The following JMJD1C variants were observed in gnomAD, a reference collection of about 807,000 sequenced individuals.
JMJD1C encodes the protein jumonji domain-containing protein 1C.
A neutral mutation model predicts 245.3 loss-of-function variants in JMJD1C; 31 were observed. The observed-to-expected ratio is 0.13, with a 90% CI of 0.09 to 0.17. The LOEUF (loss-of-function observed/expected upper bound fraction) is 0.17. Among genes scored for constraint, JMJD1C ranks in the 10% least tolerant of loss-of-function variants. JMJD1C has a pLI of 1.00. For synonymous variants in JMJD1C, 1,057 were observed against 1,017.4 expected (o/e 1.04, Z -0.74); for missense variants, 2,691 against 3,000.2 (o/e 0.90, Z 2.41).
At chr10:63,484,646 TAAAA>T (rs1163999757) in intron 1 of JMJD1C, among the ~76,000 whole-genome samples, 1 of 149,780 alleles carries the variant, frequency 6.7e-6, no homozygotes, top group African/African-American at 2.5e-5. Context: ...TCTCTTAACT[TAAAA>T]AAAAAGGCAA....
intron 1 of JMJD1C, among the ~76,000 whole-genome samples, chr10:63,442,040 A>G (rs1029481528): frequency 6.6e-6 from 1 of 152,246 alleles, no homozygotes; most frequent in African/African-American, 2.4e-5. Context: ...TTAAATGTAC[A>G]TACTGATGAC....
At chr10:63,439,217 T>TA (rs1191192490) in intron 1 of JMJD1C, among the ~76,000 whole-genome samples, 1 of 152,198 alleles carries the variant, frequency 6.6e-6, no homozygotes, top group Non-Finnish European at 1.5e-5. Flanking sequence ...CTCAAAATTC[T>TA]ATCATTTTAT....
In JMJD1C at chr10:63,473,724, G is replaced by C. The variant is rs1589810299; in HGVS notation, n.113+48014C>G. On this transcript the variant is annotated intron_variant and non_coding_transcript_variant, in intron 1 of 3. Transcript: ENST00000633035. ...TCTGGTAAATTATGACTAAATTTTT[G>C]TTAAATTGCATAAAGTAAACTGAAA... Among the ~76,000 whole-genome samples the C allele has an allele frequency of 2.0e-5, 3 of 151,954 alleles. No homozygotes were observed. In the Middle Eastern group the frequency reaches 0.01, roughly 517 times the overall value.
intron 3 of JMJD1C, among the ~76,000 whole-genome samples, chr10:63,252,985 GT>G (rs1370517432): frequency 6.6e-6 from 1 of 152,162 alleles, no homozygotes; most frequent in Non-Finnish European, 1.5e-5. Flanking sequence ...AAAAACATAT[GT>G]TTCCTACAAG....
At chr10:63,285,512 G>C (rs913495909) in intron 2 of JMJD1C, among the ~76,000 whole-genome samples, 7 of 152,172 alleles carry the variant, frequency 4.6e-5, no homozygotes, top group Non-Finnish European at 1.0e-4. Context: ...TTCCTAGCCA[G>C]TTTTGCCATA....
chr10:63,207,596 T>C lies in JMJD1C; in HGVS notation c.4073A>G (p.Asn1358Ser), dbSNP rs749231572. 6 of 1,614,186 alleles carry C rather than the reference T, an allele frequency of 3.7e-6. No individual in the cohort carries two copies. Among genetic ancestry groups the C allele is most frequent in the Non-Finnish European group, 8.5e-7 (1 of 1,180,030 alleles). ...AGETGRIILP[N>S]VNSDSVHTKS... ...TGTGTGAACACTGTCTGAATTCACA[T>C]TTGGCAAAATGATTCTTCCAGTTTC... Residue 1358 changes from asparagine (N) to serine (S), a missense_variant, in exon 10 of 26, where the codon AAT becomes AGT. Around this residue, in one of 9 missense-constraint regions of JMJD1C, gnomAD observed 1,562 missense variants for 1,490.7 expected, o/e 1.05. Transcript: ENST00000399262.
chr10:63,394,754 G>A (rs1315566111), intron 1 of JMJD1C, among the ~76,000 whole-genome samples: 2 of 151,452 alleles, frequency 1.3e-5, no homozygotes, highest in African/African-American at 4.8e-5. Flanking sequence ...TGAGGCAGGA[G>A]AATCGCTTGA....
intron 2 of JMJD1C, among the ~76,000 whole-genome samples, chr10:63,366,274 C>A (rs1411580539): frequency 6.6e-6 from 1 of 152,180 alleles, no homozygotes. Context: ...TGACAATATT[C>A]TGTGAGTACT....
chr10:63,180,959 G>A (rs944894915), intron 22 of JMJD1C, among the ~76,000 whole-genome samples: 3 of 152,058 alleles, frequency 2.0e-5, no homozygotes, highest in East Asian at 3.9e-4. Context: ...TAGTAGAGAC[G>A]GGGTTTCACC....
chr10:63,362,206 G>C (rs1945430099), intron 2 of JMJD1C, among the ~76,000 whole-genome samples: 1 of 146,960 alleles, frequency 6.8e-6, no homozygotes. Context: ...CTGCACTCCA[G>C]CACGCGCAAC....
At chr10:63,323,706 G>A (rs974237716) in intron 2 of JMJD1C, among the ~76,000 whole-genome samples, 14 of 152,124 alleles carry the variant, frequency 9.2e-5, no homozygotes, top group East Asian at 1.9e-4. Flanking sequence ...AATGGCCTGC[G>A]GGGGCCATCT....
At chr10:63,430,133 G>C (rs1348700400) in intron 1 of JMJD1C, among the ~76,000 whole-genome samples, 1 of 152,110 alleles carries the variant, frequency 6.6e-6, no homozygotes, top group East Asian at 1.9e-4. Flanking sequence ...GGGACAACTG[G>C]GTTTCCATAT....
chr10:63,498,547 T>C (rs1954433413), intron 1 of JMJD1C, among the ~76,000 whole-genome samples: 1 of 152,188 alleles, frequency 6.6e-6, no homozygotes, highest in Admixed American at 6.5e-5. Context: ...ATATCATTAC[T>C]ATATAGCAAG....
At chr10:63,197,390 T>G (rs1312670730) in intron 13 of JMJD1C, 21 bp downstream of exon 13, 1 of 1,585,122 alleles carries the variant, frequency 6.3e-7, no homozygotes, top group Admixed American at 1.9e-5. Flanking sequence ...AACTTCAATT[T>G]ATATAAACTT....
At position 63,215,427 on chromosome 10, in the gene JMJD1C, C is replaced by G. The variant is rs1439663926; in HGVS notation, c.851G>C (p.Ser284Thr). 6.2e-7 allele frequency: 1 copy of G among 1,613,866 alleles called. No individual in the cohort carries two copies. Among genetic ancestry groups the G allele is most frequent in the African/African-American group, 1.3e-5 (1 of 74,864 alleles). The change falls in exon 7 of 26, where the codon AGT becomes ACT. Residue 284 changes from serine (S) to threonine (T), a missense_variant. Physicochemically the swap from Ser to Thr is moderately conservative, Grantham distance 58. Coordinates refer to ENST00000399262, the MANE Select transcript of JMJD1C (RefSeq NM_032776.3). The stretch of plus-strand genomic sequence containing the variant: ...TTGGGAGTTCATTGCTGGTCTGGGA[C>G]TATTTGCTTGGGCACGTGTATAATG... The part of the protein sequence containing the change: ...HSHYTRAQAN[S>T]PRPAMNSQAA...
chr10:63,395,346 C>T (rs1948414588), intron 1 of JMJD1C, among the ~76,000 whole-genome samples: 1 of 152,114 alleles, frequency 6.6e-6, no homozygotes, highest in Non-Finnish European at 1.5e-5. Context: ...GGTGTGGTGG[C>T]GGATGCCTGT....
At chr10:63,256,163 T>C (rs1589300378) in intron 3 of JMJD1C, among the ~76,000 whole-genome samples, 3 of 152,300 alleles carry the variant, frequency 2.0e-5, no homozygotes, top group East Asian at 3.9e-4. Flanking sequence ...ATAAATGTTT[T>C]TAATCTGAAT....
At chr10:63,227,480 T>G (rs1038593658) in intron 3 of JMJD1C, among the ~76,000 whole-genome samples, 6 of 152,232 alleles carry the variant, frequency 3.9e-5, no homozygotes, top group Admixed American at 6.5e-5. Flanking sequence ...ACTTTCATTT[T>G]AGGATAAAAG....
chr10:63,371,807 AAT>A (rs750762765), intron 2 of JMJD1C, among the ~76,000 whole-genome samples: 27 of 152,194 alleles, frequency 1.8e-4, no homozygotes, highest in Admixed American at 8.5e-4. Flanking sequence ...TATTATGTAT[AAT>A]TTGATCTCTT....
Sources: gnomAD v4.1 joint callset for allele counts (sites outside exome capture counted in the v4.1 genomes callset) on GRCh38, gnomAD v4.1.1 for gene constraint, gnomAD v4.1.1 regional missense constraint, MANE v1.5 for transcripts, NCBI Gene and HGNC (gene_info 2026-07-23, HGNC 2026-07-21) for gene names.